Variants in CNTRL observed in about 807,000 individuals in gnomAD.
CNTRL encodes the protein 110 kDa centrosomal protein.
In CNTRL, 233 loss-of-function variants were observed where a neutral mutation model predicts 303.7. That is an observed-to-expected ratio of 0.77 (90% CI 0.69 to 0.86). The LOEUF (loss-of-function observed/expected upper bound fraction) is 0.86, where lower values mean the gene tolerates loss of function less well. Ranked by LOEUF, CNTRL falls within the 40% of genes least tolerant of loss-of-function variation. CNTRL has a pLI of 0.00. For missense variants in CNTRL, 2,524 were observed against 2,650.6 expected, an observed-to-expected ratio of 0.95 and a Z score of 1.05; for synonymous variants, 900 against 922.2, an observed-to-expected ratio of 0.98 and a Z score of 0.44.
At chr9:121,099,544 G>T (rs1157964958) in intron 7 of CNTRL, among the ~76,000 whole-genome samples, 1 of 152,216 alleles carries the variant, frequency 6.6e-6, no homozygotes, top group African/African-American at 2.4e-5. Context: ...AACAAAGATG[G>T]ATGGAGAATG....
chr9:121,152,289 T>G (rs1341829033), intron 25 of CNTRL, 196 bp from the exon 26 acceptor site: 2 of 568,142 alleles, frequency 3.5e-6, no homozygotes, highest in African/African-American at 1.9e-5. Flanking sequence ...TTGGACTGTT[T>G]GAAAAATTAA....
intron 25 of CNTRL, chr9:121,150,726 C>A (rs1204355789): frequency 1.0e-4 from 48 of 462,518 alleles, no homozygotes; most frequent in Admixed American, 2.4e-4. Flanking sequence ...CCTAGGAATT[C>A]AAGGCCAGCC....
In CNTRL at chr9:121,113,682, C is replaced by T. The variant is rs746154108; in HGVS notation, c.1303C>T (p.Leu435=). The T allele has an allele frequency of 6.4e-7, 1 of 1,570,888 alleles. No homozygotes were observed. Among genetic ancestry groups the T allele is most frequent in the Admixed American group, 2.0e-5 (1 of 49,216 alleles). ...CATGAACTTGAGAGGCCACACACCA[C>T]TGGACACGCAACTGGAAGACAAAGA... The part of the protein sequence containing the change: ...DHMNLRGHTP[L]DTQLEDKEKK... Residue 435 remains leucine (L), a synonymous_variant, in exon 10 of 44, where the codon CTG becomes TTG. Coordinates refer to ENST00000373855, the MANE Select transcript of CNTRL (RefSeq NM_007018.6).
At chr9:121,104,804 T>A (rs1476632587) in intron 7 of CNTRL, among the ~76,000 whole-genome samples, 1 of 147,664 alleles carries the variant, frequency 6.8e-6, no homozygotes, top group Non-Finnish European at 1.5e-5. Context: ...CAGGTTCAAG[T>A]GGTTCTCCTG....
intron 2 of CNTRL, among the ~76,000 whole-genome samples, chr9:121,083,753 A>G (rs975818368): frequency 1.7e-4 from 26 of 152,244 alleles, no homozygotes; most frequent in Non-Finnish European, 8.8e-5. Context: ...ACCTTGTAGC[A>G]CAGTAGGTTT....
intron 11 of CNTRL, among the ~76,000 whole-genome samples, chr9:121,115,900 T>G (rs1324472932): frequency 6.6e-6 from 1 of 152,190 alleles, no homozygotes. Context: ...TACTTTCAGA[T>G]TTTATACTAA....
chr9:121,161,589 C>T (rs2052856591), intron 32 of CNTRL: 1 of 413,024 alleles, frequency 2.4e-6, no homozygotes, highest in South Asian at 3.9e-5. Flanking sequence ...CTCAAGCAGT[C>T]CTTACACCTC....
intron 32 of CNTRL, among the ~76,000 whole-genome samples, chr9:121,161,025 A>G (rs1177891524): frequency 7.9e-5 from 12 of 152,224 alleles, no homozygotes; most frequent in Admixed American, 5.9e-4. Context: ...TTTAAAAGCC[A>G]TATTTTTAAC....
At chr9:121,086,634 T>G in intron 2 of CNTRL, among the ~76,000 whole-genome samples, 1 of 109,750 alleles carries the variant, frequency 9.1e-6, no homozygotes, top group African/African-American at 4.6e-5. Context: ...CTGGATTTAC[T>G]TTTTTTTTTT....
chr9:121,104,694 ATTTT>A (rs10693661), intron 7 of CNTRL, among the ~76,000 whole-genome samples: 1 of 96,446 alleles, frequency 1.0e-5, no homozygotes, highest in African/African-American at 3.9e-5. Flanking sequence ...GCCACTGGCA[ATTTT>A]TTTTTTTTTT....
chr9:121,107,878 G>A lies in CNTRL; in HGVS notation c.885G>A (p.Arg295=). ...ETEELKSKQT[R]FLEEIKNQDK... is the part of the protein sequence containing the mutation. ...AAGAGCTTAAGAGCAAACAAACAAGGTTCCTTGAGGAAATTAAAAATCAAG... is the reference window on the plus strand; with the variant it reads ...AAGAGCTTAAGAGCAAACAAACAAGATTCCTTGAGGAAATTAAAAATCAAG... Residue 295 remains arginine, a synonymous_variant, in exon 8 of 44, where the codon AGG becomes AGA. Coordinates refer to ENST00000373855, the MANE Select transcript of CNTRL (RefSeq NM_007018.6). 1 of 1,609,652 alleles carries A rather than the reference G, an allele frequency of 6.2e-7. No individual in the cohort carries two copies. The highest frequency in any genetic ancestry group is 1.1e-5 in the South Asian group (1 of 90,326).
At chr9:121,088,036 G>C (rs1228202950) in intron 2 of CNTRL, among the ~76,000 whole-genome samples, 1 of 152,134 alleles carries the variant, frequency 6.6e-6, no homozygotes, top group Non-Finnish European at 1.5e-5. Context: ...GGACTAGTTT[G>C]GTTCAATAAA....
chr9:121,081,717 C>T (rs998658409), intron 2 of CNTRL, among the ~76,000 whole-genome samples: 9 of 152,234 alleles, frequency 5.9e-5, no homozygotes, highest in African/African-American at 9.6e-5. Context: ...TTCATGCTCT[C>T]GCCAGCATGC....
At chr9:121,139,567 C>G (rs1303340561) in intron 16 of CNTRL, among the ~76,000 whole-genome samples, 1 of 152,194 alleles carries the variant, frequency 6.6e-6, no homozygotes, top group East Asian at 1.9e-4. Context: ...AGTTCCACTT[C>G]TGAAGCAAAT....
rs1564271172 is a variant in CNTRL, at chr9:121,146,095, C to T, written c.3311-13C>T. On this transcript the variant is annotated splice_polypyrimidine_tract_variant and intron_variant, in intron 22 of 43. Transcript: ENST00000373855. ...ATTTCATATCAATTTCATAGAATGACTTTTCTTTACAGACAACAAAGGAGG... is the reference window on the plus strand; with the variant it reads ...ATTTCATATCAATTTCATAGAATGATTTTTCTTTACAGACAACAAAGGAGG... 2 of 1,584,342 alleles carry T rather than the reference C, an allele frequency of 1.3e-6. No homozygotes were observed. The highest frequency in any genetic ancestry group is 1.2e-5 in the South Asian group (1 of 85,704).
Position 121,173,484 on chromosome 9 carries a change from T to A in CNTRL, c.6659T>A (p.Leu2220Gln). The A allele has an allele frequency of 6.2e-7, 1 of 1,613,426 alleles. No homozygotes were observed. The highest frequency in any genetic ancestry group is 8.5e-7 in the Non-Finnish European group (1 of 1,179,924). Residue 2220 changes from leucine (L) to glutamine (Q), a missense_variant, in exon 41 of 44, where the codon CTG becomes CAG. Coordinates refer to ENST00000373855, the MANE Select transcript of CNTRL (RefSeq NM_007018.6). ...TMNEGPFEEK[L>Q]NFSQVHIMDE... ...AATGAGGGACCTTTTGAAGAAAAAC[T>A]GAACTTTTCCCAAGTTCACATAATG...
At chr9:121,121,556 A>G (rs2050223823) in intron 12 of CNTRL, among the ~76,000 whole-genome samples, 1 of 152,264 alleles carries the variant, frequency 6.6e-6, no homozygotes, top group African/African-American at 2.4e-5. Flanking sequence ...CACCGGAGCA[A>G]ACATAATGAA....
chr9:121,142,322 G>T, intron 19 of CNTRL, 52 bp downstream of exon 19: 1 of 1,494,360 alleles, frequency 6.7e-7, no homozygotes, highest in Non-Finnish European at 9.0e-7. Flanking sequence ...CCAGTGTCCT[G>T]CCCACTGGCA....
chr9:121,115,117 G>C lies in CNTRL; in HGVS notation c.1372G>C (p.Asp458His). ...ACAAACTCGACTATCAGAACTGCAT[G>C]ATGAAATAGAAAAGGCAGAACAACA... ...AAQTRLSELH[D>H]EIEKAEQQIL... Residue 458 changes from aspartate (D) to histidine (H), a missense_variant, in exon 11 of 44, where the codon GAT becomes CAT. Physicochemically the swap from Asp to His is moderately conservative, Grantham distance 81 (BLOSUM62 -1). Coordinates refer to ENST00000373855, the MANE Select transcript of CNTRL (RefSeq NM_007018.6). 2.5e-6 allele frequency: 4 copies of C among 1,609,640 alleles called. No individual in the cohort carries two copies. Among genetic ancestry groups the C allele is most frequent in the Admixed American group, 1.7e-5 (1 of 59,466 alleles).
Sources: gnomAD v4.1 joint callset for allele counts (sites outside exome capture counted in the v4.1 genomes callset) on GRCh38, gnomAD v4.1.1 for gene constraint, MANE v1.5 for transcripts, NCBI Gene and HGNC (gene_info 2026-07-23, HGNC 2026-07-21) for gene names.